Variants in INPP5A observed in about 807,000 individuals in gnomAD.
INPP5A encodes the protein 43 kDa inositol polyphosphate 5-phophatase.
A neutral mutation model predicts 65.2 loss-of-function variants in INPP5A; 14 were observed. The ratio of observed to expected loss-of-function variants is 0.21; its 90% CI spans 0.14 to 0.34. The LOEUF is 0.34. INPP5A is among the 10% of genes least tolerant of loss of function. The pLI is 1.00. For missense variants in INPP5A, 431 were observed against 545.6 expected (o/e 0.79, Z 2.09); for synonymous variants, 207 against 208.3 (o/e 0.99, Z 0.05).
chr10:132,675,100 T>C lies in INPP5A; in HGVS notation c.307-15292T>C, dbSNP rs1176028986. Among the ~76,000 whole-genome samples, 1 of 152,162 alleles carries C rather than the reference T, an allele frequency of 6.6e-6. No homozygotes were observed. The highest frequency in any genetic ancestry group is 1.5e-5 in the Non-Finnish European group (1 of 68,026). On this transcript the variant is annotated intron_variant, in intron 4 of 15. Coordinates refer to ENST00000368594, the MANE Select transcript of INPP5A (RefSeq NM_005539.5). This position sits in a 1 kb window ranked among gnomAD's most constrained non-coding sequence, Gnocchi z 4.2. The stretch of plus-strand genomic sequence containing the variant: ...AAGTCCAGAAAGTTGGGAATCCCAG[T>C]GAATCCCTAGCAGCATCAAAAAAAT...
At chr10:132,700,331 G>A (rs903527323) in intron 6 of INPP5A, among the ~76,000 whole-genome samples, 14 of 152,190 alleles carry the variant, frequency 9.2e-5, no homozygotes, top group Non-Finnish European at 1.3e-4. Context: ...TGGCTGGGAC[G>A]GGGGGCCAGC....
chr10:132,645,455 C>G (rs757624441), intron 2 of INPP5A, among the ~76,000 whole-genome samples: 1 of 152,192 alleles, frequency 6.6e-6, no homozygotes, highest in Non-Finnish European at 1.5e-5. Context: ...CGTATGCACA[C>G]GTGTGCACCC....
intron 9 of INPP5A, among the ~76,000 whole-genome samples, chr10:132,739,257 G>A (rs1415382625): frequency 6.8e-6 from 1 of 146,912 alleles, no homozygotes; most frequent in Non-Finnish European, 1.5e-5. Flanking sequence ...GGCTGAGCAT[G>A]GGCACGTGCC....
rs539660407 is a variant in INPP5A, at chr10:132,756,258, CGT to C, written c.903+6419_903+6420del. On this transcript the variant is annotated intron_variant, in intron 11 of 15. Coordinates refer to ENST00000368594, the MANE Select transcript of INPP5A (RefSeq NM_005539.5). The stretch of plus-strand genomic sequence containing the variant: ...GTATGCGTGTACATGTGTGCACTCA[CGT>C]GTGTGGTGTGTACGCATGCGTGTGC... Among the ~76,000 whole-genome samples the C allele has an allele frequency of 8.2e-4, 124 of 151,934 alleles. No individual in the cohort carries two copies. The Middle Eastern group carries it at 0.014, about 17-fold the overall frequency.
chr10:132,591,962 G>T (rs2071625644), intron 1 of INPP5A, among the ~76,000 whole-genome samples: 1 of 152,244 alleles, frequency 6.6e-6, no homozygotes, highest in Admixed American at 6.5e-5. Flanking sequence ...GTCAGCGTGT[G>T]TGGGGTGGGA....
chr10:132,617,890 T>C (rs552408321), intron 2 of INPP5A, among the ~76,000 whole-genome samples: 1 of 152,252 alleles, frequency 6.6e-6, no homozygotes, highest in African/African-American at 2.4e-5. Flanking sequence ...AGCAGACACA[T>C]GTGCGTACAG....
rs1158715341 is a variant in INPP5A, at chr10:132,596,912, T to TGCATGTGTGCGCGCATGTGCAC, written c.76-10991_76-10970dup. 4.8e-3 allele frequency among the ~76,000 whole-genome samples: 255 copies of TGCATGTGTGCGCGCATGTGCAC among 53,186 alleles called. 1 individual carries two copies. The highest frequency in any genetic ancestry group is 9.8e-3 in the African/African-American group (238 of 24,272). The allele number at this position is 53,186 out of a possible 152,430, so 34.9% of individuals were successfully genotyped here. ...GTGTTTGGAGGCTCCTGTGCATGTG[T>TGCATGTGTGCGCGCATGTGCAC]GCATGTGTGCGCGCATGTGCACGCA... is the stretch of plus-strand genomic sequence containing the variant. On this transcript the variant is annotated intron_variant, in intron 1 of 15. Coordinates refer to ENST00000368594, the MANE Select transcript of INPP5A (RefSeq NM_005539.5).
At chr10:132,657,133 C>T (rs560522389) in intron 4 of INPP5A, among the ~76,000 whole-genome samples, 3 of 152,346 alleles carry the variant, frequency 2.0e-5, no homozygotes, top group East Asian at 1.9e-4. Context: ...TGCTAAGCTG[C>T]GCCGCCTGCT....
At chr10:132,758,139 G>C (rs1444075670) in intron 11 of INPP5A, among the ~76,000 whole-genome samples, 3 of 88,154 alleles carry the variant, frequency 3.4e-5, no homozygotes, top group East Asian at 3.9e-4. Flanking sequence ...AGGCCAGTGC[G>C]ATGTTGTGGG....
chr10:132,717,334 C>A (rs919668856), intron 8 of INPP5A, among the ~76,000 whole-genome samples: 1 of 146,790 alleles, frequency 6.8e-6, no homozygotes, highest in Non-Finnish European at 1.5e-5. Context: ...AGTCAGGGGG[C>A]CTTTGGGTGC....
chr10:132,742,173 A>T (rs777228308), intron 9 of INPP5A, among the ~76,000 whole-genome samples: 2 of 152,366 alleles, frequency 1.3e-5, no homozygotes, highest in East Asian at 3.9e-4. Context: ...AGTGCTCCTC[A>T]TAGGAGCCTG....
chr10:132,690,064 G>C (rs572019328), intron 4 of INPP5A, among the ~76,000 whole-genome samples: 9 of 151,986 alleles, frequency 5.9e-5, no homozygotes, highest in South Asian at 2.1e-4. Context: ...CCCAGCCCGC[G>C]GGACCTGCGC....
intron 4 of INPP5A, among the ~76,000 whole-genome samples, chr10:132,668,226 A>T (rs540518592): frequency 6.6e-6 from 1 of 152,332 alleles, no homozygotes; most frequent in African/African-American, 2.4e-5. Context: ...TCCCAGGCTC[A>T]GGTGTCACTG....
At chr10:132,726,348 C>T (rs1475034759) in intron 8 of INPP5A, among the ~76,000 whole-genome samples, 4 of 152,240 alleles carry the variant, frequency 2.6e-5, no homozygotes, top group Non-Finnish European at 5.9e-5. Context: ...CACCTGCACG[C>T]GCCTCCCCGT....
chr10:132,602,733 C>T (rs1341686865), intron 1 of INPP5A, among the ~76,000 whole-genome samples: 1 of 152,224 alleles, frequency 6.6e-6, no homozygotes, highest in Admixed American at 6.5e-5. Context: ...ATTGCCCAGG[C>T]TGGGCCTACC....
intron 6 of INPP5A, among the ~76,000 whole-genome samples, chr10:132,702,735 C>T (rs920000212): frequency 3.3e-5 from 5 of 152,242 alleles, no homozygotes; most frequent in African/African-American, 1.2e-4. Context: ...CTCCACATGC[C>T]ACGGAGCACC....
rs112334275 is a variant in INPP5A at position 132,557,026 on chromosome 10, A to G, written c.75+18855A>G. ...GCTGAAAGTTTTCTTCCTGAGTCTCATTGTACGCACATGTTGTGGCCTTTG... is the reference window on the plus strand; with the variant it reads ...GCTGAAAGTTTTCTTCCTGAGTCTCGTTGTACGCACATGTTGTGGCCTTTG... On this transcript the variant is annotated intron_variant, in intron 1 of 15. Coordinates refer to ENST00000368594, the MANE Select transcript of INPP5A (RefSeq NM_005539.5). Among the ~76,000 whole-genome samples the G allele has an allele frequency of 3.0e-3, 463 of 152,198 alleles. 1 individual carries two copies. The highest frequency in any genetic ancestry group is 0.011 in the African/African-American group (443 of 41,504).
rs142258247 is a variant in INPP5A, at chr10:132,724,620, T to C, written c.648-2201T>C. Among the ~76,000 whole-genome samples the C allele has an allele frequency of 7.7e-4, 117 of 151,732 alleles. 3 individuals are homozygous for C. The East Asian group carries it at 0.021, about 28-fold the overall frequency. The stretch of plus-strand genomic sequence containing the variant: ...CAGGCCAGCAGGAGCACACACCATA[T>C]TCACCGCAGATGGGGGTTACTCATT... On this transcript the variant is annotated intron_variant, in intron 8 of 15. Transcript: ENST00000368594.
At chr10:132,766,537 G>A (rs1027327019) in intron 12 of INPP5A, among the ~76,000 whole-genome samples, 9 of 152,158 alleles carry the variant, frequency 5.9e-5, no homozygotes, top group Admixed American at 2.6e-4. Context: ...TGCGTGGGGC[G>A]TGCGTCACAC....
Sources: gnomAD v4.1 joint callset for allele counts (sites outside exome capture counted in the v4.1 genomes callset) on GRCh38, gnomAD v4.1.1 for gene constraint, Gnocchi (gnomAD v3.1) non-coding constraint, MANE v1.5 for transcripts, NCBI Gene and HGNC (gene_info 2026-07-23, HGNC 2026-07-21) for gene names.